Variants in CSMD1 observed in about 807,000 individuals in gnomAD.
CSMD1 encodes the protein CUB and sushi domain-containing protein 1.
A neutral mutation model predicts 417.5 loss-of-function variants in CSMD1; 213 were observed. The ratio of observed to expected loss-of-function variants is 0.51; its 90% CI spans 0.46 to 0.57. The LOEUF (loss-of-function observed/expected upper bound fraction) is 0.57. Among genes scored for constraint, CSMD1 ranks in the 20% least tolerant of loss-of-function variants. CSMD1 has a pLI of 0.00. For missense variants in CSMD1, 6,923 were observed against 4,529.7 expected (o/e 1.53, Z -15.17); for synonymous variants, 2,862 against 1,736.8 (o/e 1.65, Z -16.11).
rs1407683799 is a variant in CSMD1, at chr8:3,983,346, G to A, written c.818+14557C>T. On this transcript the variant is annotated intron_variant, in intron 5 of 69. Transcript: ENST00000635120. ...GGGGTTTCACCGTGTTGGCCAGGATGGTCTCCATCTCCTGACCTCGTGATC... is the reference window on the plus strand; with the variant it reads ...GGGGTTTCACCGTGTTGGCCAGGATAGTCTCCATCTCCTGACCTCGTGATC... Among the ~76,000 whole-genome samples the A allele has an allele frequency of 3.3e-5, 5 of 152,074 alleles. No individual in the cohort carries two copies. In the East Asian group the frequency reaches 5.8e-4, roughly 18 times the overall value.
intron 2 of CSMD1, among the ~76,000 whole-genome samples, chr8:4,620,151 C>T (rs895329980): frequency 2.0e-5 from 3 of 151,596 alleles, no homozygotes; most frequent in Non-Finnish European, 4.4e-5. Flanking sequence ...AAGAGTAGGA[C>T]TATAAAGATA....
intron 7 of CSMD1, among the ~76,000 whole-genome samples, chr8:3,683,208 A>G (rs898382331): frequency 6.6e-6 from 1 of 151,626 alleles, no homozygotes; most frequent in African/African-American, 2.4e-5. Flanking sequence ...ATACATATAA[A>G]TATATAAAAT....
intron 23 of CSMD1, among the ~76,000 whole-genome samples, chr8:3,318,784 A>C (rs1295455104): frequency 6.6e-6 from 1 of 152,194 alleles, no homozygotes; most frequent in Non-Finnish European, 1.5e-5. Flanking sequence ...ATCCGAGCAC[A>C]GGGCAGCCCA....
At chr8:2,977,686 A>C (rs75290344) in intron 55 of CSMD1, among the ~76,000 whole-genome samples, 4 of 152,222 alleles carry the variant, frequency 2.6e-5, no homozygotes, top group Non-Finnish European at 5.9e-5. Context: ...TCCATCTGAC[A>C]AAGGTCTAAT....
rs554950768 is a variant in CSMD1 at position 3,913,328 on chromosome 8, A to C, written c.818+84575T>G. Among the ~76,000 whole-genome samples the C allele has an allele frequency of 3.3e-5, 5 of 152,226 alleles. No homozygotes were observed. The East Asian group carries it at 7.7e-4, about 24-fold the overall frequency. On this transcript the variant is annotated intron_variant, in intron 5 of 69. Transcript: ENST00000635120. ...GACCATCGACCTGCTCAGGAGTGAG[A>C]ATCCAAGGCCAATCCGATATCAGAA...
chr8:3,248,336 C>T (rs910242571), intron 26 of CSMD1, among the ~76,000 whole-genome samples: 2 of 152,040 alleles, frequency 1.3e-5, no homozygotes, highest in African/African-American at 2.4e-5. Context: ...TGAACAGCAC[C>T]CATGTTTACT....
At chr8:3,521,246 C>A (rs1797496275) in intron 10 of CSMD1, among the ~76,000 whole-genome samples, 1 of 152,154 alleles carries the variant, frequency 6.6e-6, no homozygotes, top group South Asian at 2.1e-4. Flanking sequence ...TGCTGATTTC[C>A]CCAGGGATTC....
At position 3,616,764 on chromosome 8, in the gene CSMD1, A is replaced by G. The variant is rs887194571; in HGVS notation, c.1043T>C (p.Met348Thr). 3 of 1,612,416 alleles carry G rather than the reference A, an allele frequency of 1.9e-6. No homozygotes were observed. In the African/African-American group the frequency reaches 4.0e-5, roughly 22 times the overall value. ...SQGGVALVSD[M>T]CPDPGIPENG... ...TTCTGGAATCCCAGGATCTGGACAC[A>G]TGTCAGAGACCAATGCAACACCTCC... The change falls in exon 8 of 70, where the codon ATG (methionine) becomes ACG (threonine). Residue 348 changes from methionine to threonine, a missense_variant. Met to Thr is a moderately conservative substitution (Grantham distance 81). Coordinates refer to ENST00000635120, the MANE Select transcript of CSMD1 (RefSeq NM_033225.6).
intron 3 of CSMD1, among the ~76,000 whole-genome samples, chr8:4,109,310 T>C (rs1230063822): frequency 6.6e-6 from 1 of 152,164 alleles, no homozygotes; most frequent in African/African-American, 2.4e-5. Context: ...GTATTTTTTT[T>C]CTATATTCCT....
chr8:4,368,340 C>CT (rs1259156051), intron 3 of CSMD1, among the ~76,000 whole-genome samples: 3 of 152,076 alleles, frequency 2.0e-5, no homozygotes, highest in Admixed American at 6.6e-5. Context: ...ATACAGCCTA[C>CT]TTTATTGTGG....
At chr8:4,445,094 C>G (rs1048491881) in intron 2 of CSMD1, among the ~76,000 whole-genome samples, 1 of 152,156 alleles carries the variant, frequency 6.6e-6, no homozygotes, top group Non-Finnish European at 1.5e-5. Flanking sequence ...TGTTACTTCT[C>G]TGAACAACAA....
At chr8:4,652,527 C>G (rs1563071804) in intron 1 of CSMD1, among the ~76,000 whole-genome samples, 1 of 151,998 alleles carries the variant, frequency 6.6e-6, no homozygotes, top group Non-Finnish European at 1.5e-5. Flanking sequence ...GTGGCTGCAC[C>G]TGTGATCCCA....
At chr8:3,745,904 C>A (rs1346244339) in intron 6 of CSMD1, among the ~76,000 whole-genome samples, 2 of 152,190 alleles carry the variant, frequency 1.3e-5, no homozygotes, top group African/African-American at 4.8e-5. Context: ...ACTACAGCAG[C>A]TCGCCAACCT....
chr8:4,176,032 G>A (rs370771337), intron 3 of CSMD1, among the ~76,000 whole-genome samples: 1 of 152,068 alleles, frequency 6.6e-6, no homozygotes, highest in Admixed American at 6.5e-5. Flanking sequence ...CCATTTCAGG[G>A]TTCCCAAGAA....
chr8:3,622,982 G>A lies in CSMD1; in HGVS notation c.1010-6185C>T, dbSNP rs1014641435. On this transcript the variant is annotated intron_variant, in intron 7 of 69. Transcript: ENST00000635120. The stretch of plus-strand genomic sequence containing the variant: ...GAATTATATCTTTTCAGATCTCATA[G>A]AACACATGACATAGATAGTAATAAA... Among the ~76,000 whole-genome samples the A allele has an allele frequency of 8.5e-5, 13 of 152,154 alleles. No individual in the cohort carries two copies. The East Asian group carries it at 1.4e-3, about 16-fold the overall frequency.
At chr8:4,301,080 T>C (rs997728928) in intron 3 of CSMD1, among the ~76,000 whole-genome samples, 3 of 152,296 alleles carry the variant, frequency 2.0e-5, no homozygotes, top group Non-Finnish European at 2.9e-5. Flanking sequence ...GTAAAGTGGA[T>C]GCCTAATGAG....
intron 3 of CSMD1, among the ~76,000 whole-genome samples, chr8:4,193,504 G>C (rs1046485774): frequency 2.5e-4 from 38 of 151,998 alleles, no homozygotes; most frequent in African/African-American, 8.7e-4. Context: ...GATGGCTTCA[G>C]TCTTGCTGAT....
At chr8:3,634,636 C>G (rs1796942764) in intron 7 of CSMD1, among the ~76,000 whole-genome samples, 1 of 152,132 alleles carries the variant, frequency 6.6e-6, no homozygotes, top group African/African-American at 2.4e-5. Flanking sequence ...AATTACTTAA[C>G]TCGAGAGTGG....
intron 10 of CSMD1, among the ~76,000 whole-genome samples, chr8:3,541,451 T>C (rs1295796693): frequency 1.3e-5 from 2 of 152,020 alleles, no homozygotes; most frequent in African/African-American, 2.4e-5. Flanking sequence ...GATGGGTTGA[T>C]AGGTGTAACA....
Sources: allele counts gnomAD v4.1 joint callset (sites outside exome capture counted in the v4.1 genomes callset), GRCh38; gene constraint gnomAD v4.1.1; transcripts MANE v1.5; gene names NCBI Gene and HGNC (gene_info 2026-07-23, HGNC 2026-07-21).